Variants in NTRK3 observed in about 807,000 individuals in gnomAD.
NTRK3 encodes NT-3 growth factor receptor.
A neutral mutation model predicts 91.7 loss-of-function variants in NTRK3; 24 were observed. That is an observed-to-expected ratio of 0.26 (90% CI 0.19 to 0.37). The LOEUF is 0.37. NTRK3 is among the 10% of genes least tolerant of loss of function. NTRK3 has a pLI of 1.00. For missense variants in NTRK3, 880 were observed against 1,068.9 expected (o/e 0.82, Z 2.46); for synonymous variants, 483 against 404.0 (o/e 1.20, Z -2.34).
At chr15:88,069,973 A>G (rs1027494602) in intron 13 of NTRK3, among the ~76,000 whole-genome samples, 3 of 152,192 alleles carry the variant, frequency 2.0e-5, no homozygotes, top group African/African-American at 7.2e-5. Context: ...CACCACAGGA[A>G]GGGATACACT....
intron 14 of NTRK3, among the ~76,000 whole-genome samples, chr15:87,971,100 C>T (rs147736506): frequency 2.4e-4 from 36 of 152,276 alleles, no homozygotes; most frequent in African/African-American, 7.5e-4. Context: ...AAAGATTGAA[C>T]GATTCTGTGA....
intron 3 of NTRK3, among the ~76,000 whole-genome samples, chr15:88,197,091 GGACAAAAAAAAAAAAAAA>G (rs2047887768): frequency 3.1e-5 from 1 of 32,464 alleles, no homozygotes. Context: ...TGGTTGAGCA[GGACAAAAAAAAAAAAAAA>G]AAAAAAAAAA....
At chr15:88,022,837 T>A (rs75735105) in intron 14 of NTRK3, among the ~76,000 whole-genome samples, 10,269 of 152,260 alleles carry the variant, frequency 0.067, 392 homozygotes, top group South Asian at 0.13. Flanking sequence ...ACCTAATTAC[T>A]TAATTAGCAT....
At chr15:88,039,805 G>A (rs531706401) in intron 13 of NTRK3, among the ~76,000 whole-genome samples, 5 of 152,284 alleles carry the variant, frequency 3.3e-5, no homozygotes, top group African/African-American at 1.2e-4. Context: ...AACCTGACAC[G>A]TCCACCCTAC....
In NTRK3 at chr15:88,248,914, A is replaced by G. The variant is rs149082547; in HGVS notation, c.248+6992T>C. On this transcript the variant is annotated intron_variant, in intron 3 of 18. Transcript: ENST00000394480. ...ACATGACCCAGGGCACTGAACTTCA[A>G]CAGGGTGCTTACATAATGTAGTTGT... Among the ~76,000 whole-genome samples the G allele has an allele frequency of 5.7e-3, 871 of 152,308 alleles. 11 individuals are homozygous for G. The highest frequency in any genetic ancestry group is 0.02 in the African/African-American group (813 of 41,558).
chr15:87,898,547 T>C (rs1002769580), intron 17 of NTRK3, among the ~76,000 whole-genome samples: 4 of 152,180 alleles, frequency 2.6e-5, no homozygotes, highest in Admixed American at 6.5e-5. Flanking sequence ...ATATTCTGTG[T>C]GTGAAGCTTC....
At position 88,241,672 on chromosome 15, in the gene NTRK3, G is replaced by A. The variant is rs1424416232; in HGVS notation, c.248+14234C>T. On this transcript the variant is annotated intron_variant, in intron 3 of 18. Transcript: ENST00000394480. This position sits in a 1 kb window ranked among gnomAD's most constrained non-coding sequence, Gnocchi z 4.3. ...AAGCGGGGCTACCCTTCAATACCACGTGGAGCTACTCTCTTCATCTGACCT... is the reference window on the plus strand; with the variant it reads ...AAGCGGGGCTACCCTTCAATACCACATGGAGCTACTCTCTTCATCTGACCT... 2.0e-5 allele frequency among the ~76,000 whole-genome samples: 3 copies of A among 152,100 alleles called. No homozygotes were observed. The highest frequency in any genetic ancestry group is 4.4e-5 in the Non-Finnish European group (3 of 67,992).
At chr15:87,941,864 CTCA>C (rs1370978278) in intron 14 of NTRK3, among the ~76,000 whole-genome samples, 1 of 152,230 alleles carries the variant, frequency 6.6e-6, no homozygotes, top group African/African-American at 2.4e-5. Context: ...CAGGAGATTA[CTCA>C]CTGACCTTTA....
chr15:87,919,873 G>A (rs1017424935), intron 17 of NTRK3, among the ~76,000 whole-genome samples: 1 of 152,012 alleles, frequency 6.6e-6, no homozygotes, highest in Non-Finnish European at 1.5e-5. Flanking sequence ...TATGGTCTAG[G>A]GTCAAAGCAA....
intron 14 of NTRK3, among the ~76,000 whole-genome samples, chr15:88,023,054 A>G (rs1199988275): frequency 6.6e-6 from 1 of 152,166 alleles, no homozygotes; most frequent in Non-Finnish European, 1.5e-5. Flanking sequence ...ATGGCTTCAT[A>G]TGATTTTTTT....
chr15:87,934,947 T>C (rs1229177940), intron 15 of NTRK3, among the ~76,000 whole-genome samples: 1 of 152,188 alleles, frequency 6.6e-6, no homozygotes, highest in Admixed American at 6.5e-5. Context: ...ATAAAAATAC[T>C]GCTTGATTAA....
chr15:88,181,063 T>C (rs551758418), intron 5 of NTRK3, among the ~76,000 whole-genome samples: 3 of 152,192 alleles, frequency 2.0e-5, no homozygotes, highest in South Asian at 4.2e-4. Flanking sequence ...TTGAACTAGG[T>C]TGAGCACCCT....
At chr15:88,121,864 AC>A (rs1475631689) in intron 13 of NTRK3, among the ~76,000 whole-genome samples, 3 of 152,220 alleles carry the variant, frequency 2.0e-5, no homozygotes, top group Admixed American at 6.5e-5. Flanking sequence ...TACACTTAGC[AC>A]CATCTTAAAA....
chr15:88,082,344 G>A (rs2048128078), intron 13 of NTRK3, among the ~76,000 whole-genome samples: 2 of 151,566 alleles, frequency 1.3e-5, no homozygotes, highest in Non-Finnish European at 2.9e-5. Flanking sequence ...CGGGGAAGAA[G>A]AGAGAATGAA....
chr15:88,150,219 C>T (rs1236112824), intron 5 of NTRK3, among the ~76,000 whole-genome samples: 1 of 152,142 alleles, frequency 6.6e-6, no homozygotes, highest in Non-Finnish European at 1.5e-5. Flanking sequence ...AATGGGCAGC[C>T]CTGCCCATCT....
exon 19 of NTRK3, chr15:87,860,737 C>T (rs2064503467): frequency 4.8e-6 from 1 of 210,380 alleles, no homozygotes; most frequent in Non-Finnish European, 9.6e-6. Flanking sequence ...GTTAAGTTAT[C>T]AACTTTGGGA....
chr15:88,061,558 C>T (rs1417347917), intron 13 of NTRK3, among the ~76,000 whole-genome samples: 1 of 152,226 alleles, frequency 6.6e-6, no homozygotes, highest in African/African-American at 2.4e-5. Flanking sequence ...GCAGCCGGAA[C>T]CCATGTGGCA....
At chr15:87,951,134 C>T (rs568551320) in intron 14 of NTRK3, among the ~76,000 whole-genome samples, 33 of 152,190 alleles carry the variant, frequency 2.2e-4, no homozygotes, top group Non-Finnish European at 4.0e-4. Context: ...AGCTTTCCTC[C>T]ATCTGGGGTA....
intron 13 of NTRK3, among the ~76,000 whole-genome samples, chr15:88,097,677 G>GA (rs2049759846): frequency 6.6e-6 from 1 of 152,168 alleles, no homozygotes; most frequent in East Asian, 1.9e-4. Flanking sequence ...AATTTAAAAA[G>GA]ACAGATTTAC....
Sources: gnomAD v4.1 joint callset for allele counts (sites outside exome capture counted in the v4.1 genomes callset) on GRCh38, gnomAD v4.1.1 for gene constraint, Gnocchi (gnomAD v3.1) non-coding constraint, MANE v1.5 for transcripts, NCBI Gene and HGNC (gene_info 2026-07-23, HGNC 2026-07-21) for gene names.